ARB2A: variants seen among roughly 807,000 people sequenced by gnomAD.
ARB2A encodes the protein ARB2 cotranscriptional regulator A.
the ARB2A span, among the ~76,000 whole-genome samples, chr5:93,844,508 A>T: frequency 1.3e-5 from 2 of 152,310 alleles, no homozygotes; most frequent in South Asian, 4.1e-4. Flanking sequence ...CCAAAATATC[A>T]TAAAATATAA....
chr5:94,022,172 C>A, the ARB2A span, among the ~76,000 whole-genome samples: 1 of 152,110 alleles, frequency 6.6e-6, no homozygotes, highest in Non-Finnish European at 1.5e-5. Context: ...CCAGCTTGAG[C>A]AACAGCAAGA....
chr5:93,620,898 T>G, the ARB2A span: 1 of 1,521,332 alleles, frequency 6.6e-7, no homozygotes, highest in Non-Finnish European at 8.8e-7. Context: ...AACAATCTAA[T>G]GAGGGGCTGG....
chr5:93,888,720 A>C, the ARB2A span, among the ~76,000 whole-genome samples: 1 of 151,860 alleles, frequency 6.6e-6, no homozygotes, highest in African/African-American at 2.4e-5. Context: ...CGATTACAGT[A>C]CCCAAATTAT....
the ARB2A span, among the ~76,000 whole-genome samples, chr5:93,645,326 C>A: frequency 6.6e-6 from 1 of 152,140 alleles, no homozygotes. Flanking sequence ...GTAATCCCAG[C>A]ACTTTGGGAG....
the ARB2A span, chr5:93,737,675 A>C: frequency 4.4e-6 from 1 of 225,812 alleles, no homozygotes; most frequent in African/African-American, 2.4e-5. Flanking sequence ...GAGCCCAGAA[A>C]TAATCCCTCA....
the ARB2A span, among the ~76,000 whole-genome samples, chr5:93,732,831 A>T: frequency 6.6e-6 from 1 of 152,160 alleles, no homozygotes. Context: ...TCCTTTAAAA[A>T]TATTTCTTGG....
chr5:93,799,883 A>G, the ARB2A span, among the ~76,000 whole-genome samples: 1 of 152,132 alleles, frequency 6.6e-6, no homozygotes, highest in Non-Finnish European at 1.5e-5. Flanking sequence ...AAAAAATACC[A>G]GCATGAAAAA....
At chr5:93,637,016 ACATTTCCAT>A in the ARB2A span, among the ~76,000 whole-genome samples, 1 of 152,306 alleles carries the variant, frequency 6.6e-6, no homozygotes, top group Admixed American at 6.5e-5. Context: ...AAGATATAGA[ACATTTCCAT>A]CACCACAAAG....
chr5:94,015,097 A>G, the ARB2A span, among the ~76,000 whole-genome samples: 1 of 152,088 alleles, frequency 6.6e-6, no homozygotes, highest in Admixed American at 6.5e-5. Flanking sequence ...AAGGCATATA[A>G]TAATCTAACT....
chr5:94,014,310 A>G, the ARB2A span, among the ~76,000 whole-genome samples: 1 of 152,230 alleles, frequency 6.6e-6, no homozygotes, highest in Non-Finnish European at 1.5e-5. Flanking sequence ...CAGCACTCCA[A>G]TCATTTACTG....
At chr5:94,033,827 A>G in the ARB2A span, among the ~76,000 whole-genome samples, 1 of 152,214 alleles carries the variant, frequency 6.6e-6, no homozygotes, top group South Asian at 2.1e-4. Flanking sequence ...AGTCACATTT[A>G]CATTTAATTG....
the ARB2A span, among the ~76,000 whole-genome samples, chr5:93,747,816 T>C: frequency 6.6e-6 from 1 of 152,272 alleles, no homozygotes; most frequent in African/African-American, 2.4e-5. Flanking sequence ...AGTAATTATA[T>C]CAAACCAACT....
the ARB2A span, among the ~76,000 whole-genome samples, chr5:93,624,649 T>C: frequency 6.6e-6 from 1 of 152,184 alleles, no homozygotes; most frequent in Non-Finnish European, 1.5e-5. Flanking sequence ...GAGATGATAA[T>C]GGCCTCTGGA....
chr5:94,006,986 C>G, the ARB2A span, among the ~76,000 whole-genome samples: 1 of 152,142 alleles, frequency 6.6e-6, no homozygotes, highest in Admixed American at 6.5e-5. Flanking sequence ...TGTCACAAAT[C>G]TGATTCAATT....
At chr5:94,102,904 T>C in the ARB2A span, among the ~76,000 whole-genome samples, 2 of 152,154 alleles carry the variant, frequency 1.3e-5, no homozygotes, top group Non-Finnish European at 2.9e-5. Context: ...AAGAATTTCA[T>C]ATCTAGCCAA....
chr5:94,107,530 T>TAAA, the ARB2A span, among the ~76,000 whole-genome samples: 1 of 130,678 alleles, frequency 7.7e-6, no homozygotes, highest in Non-Finnish European at 1.6e-5. Context: ...ATTCAATAGT[T>TAAA]AAAAAAAAAA....
At chr5:94,099,005 A>C in the ARB2A span, among the ~76,000 whole-genome samples, 1 of 152,148 alleles carries the variant, frequency 6.6e-6, no homozygotes, top group African/African-American at 2.4e-5. Context: ...CAACCAAAAA[A>C]AGCCCAGGAC....
chr5:94,031,708 C>G, the ARB2A span, among the ~76,000 whole-genome samples: 1 of 152,184 alleles, frequency 6.6e-6, no homozygotes, highest in African/African-American at 2.4e-5. Flanking sequence ...CTAAAAGGCA[C>G]TAAAAGCATT....
chr5:94,031,960 C>A, the ARB2A span, among the ~76,000 whole-genome samples: 1 of 152,216 alleles, frequency 6.6e-6, no homozygotes. Flanking sequence ...CAGCATGGTG[C>A]TGTCTCTGCA....
Sources: gnomAD v4.1 joint callset for allele counts (sites outside exome capture counted in the v4.1 genomes callset) on GRCh38, gnomAD v4.1.1 for gene constraint, MANE v1.5 for transcripts, NCBI Gene and HGNC (gene_info 2026-07-23, HGNC 2026-07-21) for gene names.